Variants in TTC17 observed in about 807,000 individuals in gnomAD.
TTC17 encodes the protein tetratricopeptide repeat protein 17.
TTC17 carries 58 observed loss-of-function variants against 143.8 expected under a neutral mutation model. The observed-to-expected ratio is 0.40, with a 90% confidence interval of 0.33 to 0.50. The LOEUF is 0.50. Among genes scored for constraint, TTC17 ranks in the 20% least tolerant of loss-of-function variants. The pLI is 0.49. For missense variants in TTC17, 1,273 were observed against 1,392.5 expected (o/e 0.91, Z 1.37); for synonymous variants, 501 against 497.8 (o/e 1.01, Z -0.09).
chr11:43,383,445 G>T (rs1353555863), intron 2 of TTC17, among the ~76,000 whole-genome samples: 3 of 151,956 alleles, frequency 2.0e-5, no homozygotes. Context: ...TCCGCCTCCT[G>T]GGGTTCAAGC....
intron 21 of TTC17, among the ~76,000 whole-genome samples, chr11:43,457,363 A>G (rs1466726392): frequency 6.6e-6 from 1 of 152,056 alleles, no homozygotes; most frequent in Non-Finnish European, 1.5e-5. Context: ...TGCCCTGATG[A>G]AGTATAATAT....
chr11:43,378,914 G>A (rs1856860069), intron 1 of TTC17: 1 of 254,202 alleles, frequency 3.9e-6, no homozygotes, highest in Non-Finnish European at 7.5e-6. Context: ...TATTATTACA[G>A]GCATGAAACA....
chr11:43,368,172 G>A (rs567874256), intron 1 of TTC17, among the ~76,000 whole-genome samples: 1 of 152,198 alleles, frequency 6.6e-6, no homozygotes, highest in East Asian at 1.9e-4. Flanking sequence ...AGTCTTAGGT[G>A]TTGGTGTGCC....
intron 16 of TTC17, among the ~76,000 whole-genome samples, chr11:43,431,588 C>T (rs1947159786): frequency 6.6e-6 from 1 of 152,236 alleles, no homozygotes; most frequent in Admixed American, 6.5e-5. Context: ...GGATAACTTA[C>T]TATTCCAGTG....
In TTC17 at chr11:43,494,166, G is replaced by A; in HGVS notation, c.*262G>A. 3.2e-6 allele frequency: 1 copy of A among 312,306 alleles called. No individual in the cohort carries two copies. The highest frequency in any genetic ancestry group is 5.8e-6 in the Non-Finnish European group (1 of 170,956). The allele number at this position is 312,306 out of a possible 1,614,324, so 19.3% of individuals were successfully genotyped here. Reference sequence around the variant, plus strand: ...AGCTTCAAGATATTGTGTAAATACTGAGCCAAGACATTTCTGGAGCTGTGC... The same window carrying A: ...AGCTTCAAGATATTGTGTAAATACTAAGCCAAGACATTTCTGGAGCTGTGC... On this transcript the variant is annotated 3_prime_UTR_variant, in exon 24 of 24. Transcript: ENST00000039989.
chr11:43,372,142 C>T (rs1395584701), intron 1 of TTC17, among the ~76,000 whole-genome samples: 10 of 152,202 alleles, frequency 6.6e-5, no homozygotes, highest in African/African-American at 2.4e-4. Context: ...TGTGTAGGAA[C>T]TCAGTCACTG....
intron 1 of TTC17, among the ~76,000 whole-genome samples, chr11:43,364,861 A>G (rs1856267772): frequency 6.6e-6 from 1 of 152,178 alleles, no homozygotes; most frequent in East Asian, 1.9e-4. Context: ...GCTGGAGTAC[A>G]GTGGCGTGAT....
rs559004271 is a variant in TTC17, at chr11:43,467,786, G to T, written c.3030+16521G>T. On this transcript the variant is annotated intron_variant, in intron 21 of 23. Transcript: ENST00000039989. ...ATGAAGAAGAAAATCATTTTTAGTA[G>T]AAAATATCCAAACTGATATATAAAG... Among the ~76,000 whole-genome samples, 18 of 150,760 alleles carry T rather than the reference G, an allele frequency of 1.2e-4. No individual in the cohort carries two copies. The East Asian group carries it at 3.5e-3, about 29-fold the overall frequency.
At chr11:43,393,311 A>C (rs114280646) in intron 5 of TTC17, among the ~76,000 whole-genome samples, 148 of 152,304 alleles carry the variant, frequency 9.7e-4, no homozygotes, top group African/African-American at 3.4e-3. Context: ...TGCCTCCCCA[A>C]GTTAGAACAG....
At chr11:43,400,232 C>G (rs1368374284) in intron 9 of TTC17, among the ~76,000 whole-genome samples, 184 bp downstream of exon 9, 2 of 152,114 alleles carry the variant, frequency 1.3e-5, no homozygotes, top group Non-Finnish European at 2.9e-5. Context: ...TTTGGTCTAC[C>G]TTGCTTTTTT....
intron 21 of TTC17, among the ~76,000 whole-genome samples, chr11:43,460,118 T>C (rs895363622): frequency 6.6e-6 from 1 of 152,044 alleles, no homozygotes; most frequent in Admixed American, 6.5e-5. Context: ...TTTTTTTTTT[T>C]AACTTCAGAA....
intron 16 of TTC17, among the ~76,000 whole-genome samples, chr11:43,437,179 T>G (rs1359535085): frequency 6.6e-6 from 1 of 152,038 alleles, no homozygotes. Context: ...AAAATTGAAC[T>G]CTTCTTCATA....
chr11:43,379,615 C>A (rs1388508829), intron 2 of TTC17, among the ~76,000 whole-genome samples: 2 of 151,956 alleles, frequency 1.3e-5, no homozygotes, highest in Non-Finnish European at 2.9e-5. Context: ...AAGTTTTTTC[C>A]ATCAAATATG....
At chr11:43,456,729 G>A (rs532493745) in intron 21 of TTC17, among the ~76,000 whole-genome samples, 133 of 152,304 alleles carry the variant, frequency 8.7e-4, no homozygotes, top group African/African-American at 2.9e-3. Flanking sequence ...TGGCCTTAGC[G>A]TAGGGAGAAA....
rs536025508 is a variant in TTC17 at position 43,452,370 on chromosome 11, C to T, written c.3030+1105C>T. Among the ~76,000 whole-genome samples, 139 of 152,134 alleles carry T rather than the reference C, an allele frequency of 9.1e-4. 1 individual carries two copies. The Middle Eastern group carries it at 0.014, about 15-fold the overall frequency. Reference sequence around the variant, plus strand: ...CAAAAATCAGCCGGGTGCGGTGGCACGCACCTGTAATCCCAGCTACTTGAG... The same window carrying T: ...CAAAAATCAGCCGGGTGCGGTGGCATGCACCTGTAATCCCAGCTACTTGAG... On this transcript the variant is annotated intron_variant, in intron 21 of 23. Coordinates refer to ENST00000039989, the MANE Select transcript of TTC17 (RefSeq NM_018259.6).
rs113622261 is a variant in TTC17 at position 43,487,808 on chromosome 11, C to T, written c.3031-2431C>T. Among the ~76,000 whole-genome samples the T allele has an allele frequency of 9.3e-3, 1,423 of 152,234 alleles. 26 individuals carry two copies. Among genetic ancestry groups the T allele is most frequent in the African/African-American group, 0.032 (1,350 of 41,554 alleles). ...TCAAAGTGCTGGCAGGGTTGGTCTC[C>T]CCTGAGACCTCTCTCTTCGGCTTGC... On this transcript the variant is annotated intron_variant, in intron 21 of 23. Transcript: ENST00000039989.
At chr11:43,371,839 G>C (rs965222726) in intron 1 of TTC17, among the ~76,000 whole-genome samples, 1 of 152,216 alleles carries the variant, frequency 6.6e-6, no homozygotes, top group Non-Finnish European at 1.5e-5. Flanking sequence ...GAAAAGGTGG[G>C]TGGGGTGGAA....
chr11:43,419,078 A>C (rs536611539), intron 16 of TTC17, among the ~76,000 whole-genome samples: 1 of 152,354 alleles, frequency 6.6e-6, no homozygotes, highest in South Asian at 2.1e-4. Flanking sequence ...TGTTTACAGC[A>C]TATAATTAAG....
intron 21 of TTC17, among the ~76,000 whole-genome samples, chr11:43,485,521 T>C (rs1239270070): frequency 6.6e-6 from 1 of 152,186 alleles, no homozygotes; most frequent in East Asian, 1.9e-4. Flanking sequence ...AAAGTTTAAT[T>C]GTTTTAATTA....
Sources: allele counts gnomAD v4.1 joint callset (sites outside exome capture counted in the v4.1 genomes callset), GRCh38; gene constraint gnomAD v4.1.1; transcripts MANE v1.5; gene names NCBI Gene and HGNC (gene_info 2026-07-23, HGNC 2026-07-21).